The following GRIP1 variants were observed in gnomAD, a reference collection of about 807,000 sequenced individuals.
The protein encoded by GRIP1 is glutamate receptor interacting protein 1.
In GRIP1, 45 loss-of-function variants were observed where a neutral mutation model predicts 129.9. That is an observed-to-expected ratio of 0.35 (90% CI 0.27 to 0.44). GRIP1 has a LOEUF of 0.44. GRIP1 is among the 20% of genes least tolerant of loss of function. The probability of loss-of-function intolerance (pLI) is 1.00; values close to 1 mark genes in which losing one functional copy is unlikely to be tolerated. For synonymous variants in GRIP1, 530 were observed against 520.8 expected, an observed-to-expected ratio of 1.02 and a Z score of -0.24; for missense variants, 1,196 against 1,396.8, an observed-to-expected ratio of 0.86 and a Z score of 2.29.
chr12:66,474,505 C>T (rs1302598678), intron 7 of GRIP1, among the ~76,000 whole-genome samples: 4 of 152,050 alleles, frequency 2.6e-5, no homozygotes, highest in Admixed American at 2.0e-4. Flanking sequence ...TTGAGAAGAG[C>T]AACTCCAAGA....
intron 1 of GRIP1, among the ~76,000 whole-genome samples, chr12:66,936,905 T>C (rs1409857151): frequency 1.8e-4 from 27 of 152,186 alleles, no homozygotes; most frequent in Non-Finnish European, 1.5e-5. Context: ...AGCTTGACGT[T>C]GGGAAAGCCA....
intron 1 of GRIP1, among the ~76,000 whole-genome samples, chr12:66,601,354 G>T (rs191611237): frequency 6.6e-6 from 1 of 152,158 alleles, no homozygotes; most frequent in African/African-American, 2.4e-5. Flanking sequence ...GTGAGGAAGG[G>T]AGTCAGGTCT....
intron 7 of GRIP1, among the ~76,000 whole-genome samples, chr12:66,476,886 TAAG>T (rs1481063339): frequency 6.6e-6 from 1 of 152,118 alleles, no homozygotes; most frequent in Non-Finnish European, 1.5e-5. Flanking sequence ...CTAAAAATAA[TAAG>T]AACTATTTAT....
chr12:66,734,512 T>G (rs530004762), intron 1 of GRIP1, among the ~76,000 whole-genome samples: 1 of 152,334 alleles, frequency 6.6e-6, no homozygotes, highest in South Asian at 2.1e-4. Flanking sequence ...GCTTAAAAAT[T>G]AAAATCACCC....
chr12:66,756,359 G>A (rs993199347), intron 1 of GRIP1, among the ~76,000 whole-genome samples: 5 of 152,154 alleles, frequency 3.3e-5, no homozygotes, highest in Admixed American at 2.0e-4. Context: ...TGAAGCATTG[G>A]TATTTCGATC....
At chr12:66,631,468 CCTA>C (rs1228456157) in intron 1 of GRIP1, among the ~76,000 whole-genome samples, 1 of 152,136 alleles carries the variant, frequency 6.6e-6, no homozygotes, top group Non-Finnish European at 1.5e-5. Context: ...AACATGAAAA[CCTA>C]CTAACAAAAC....
intron 1 of GRIP1, among the ~76,000 whole-genome samples, chr12:66,755,895 C>A (rs965157361): frequency 6.6e-6 from 1 of 152,140 alleles, no homozygotes; most frequent in African/African-American, 2.4e-5. Flanking sequence ...CAGTAGAGTT[C>A]CATGTGGCAA....
intron 1 of GRIP1, among the ~76,000 whole-genome samples, chr12:66,783,937 G>A (rs2038237134): frequency 6.6e-6 from 1 of 152,096 alleles, no homozygotes. Context: ...CATTCATCAT[G>A]CATTGCAAAA....
chr12:67,049,770 G>A (rs979787955), intron 1 of GRIP1, among the ~76,000 whole-genome samples: 1 of 150,406 alleles, frequency 6.6e-6, no homozygotes, highest in African/African-American at 2.4e-5. Context: ...TAAGCCCTTT[G>A]CTCATTGATA....
chr12:66,541,028 T>C (rs1391372820), intron 3 of GRIP1, among the ~76,000 whole-genome samples: 1 of 152,076 alleles, frequency 6.6e-6, no homozygotes, highest in Non-Finnish European at 1.5e-5. Flanking sequence ...TTGGTCAAGC[T>C]GGTCTCGAAC....
At chr12:66,412,136 A>G (rs772262848) in intron 15 of GRIP1, among the ~76,000 whole-genome samples, 3 of 152,292 alleles carry the variant, frequency 2.0e-5, no homozygotes, top group East Asian at 1.9e-4. Context: ...GAGAACCTCA[A>G]TAAGATACTA....
At chr12:66,807,535 A>G (rs1392718108), upstream of GRIP1, among the ~76,000 whole-genome samples, 1 of 152,080 alleles carries the variant, frequency 6.6e-6, no homozygotes, top group Admixed American at 6.5e-5. Flanking sequence ...TTAGCCAGGC[A>G]TGGTGGCGGG....
chr12:66,377,153 A>T, intron 21 of GRIP1, 21 bp downstream of exon 21: 1 of 1,569,822 alleles, frequency 6.4e-7, no homozygotes, highest in Non-Finnish European at 8.8e-7. Context: ...CAATAAAAGT[A>T]AGTAGCAGGA....
intron 1 of GRIP1, among the ~76,000 whole-genome samples, chr12:66,826,739 C>T (rs2039420488): frequency 7.2e-6 from 1 of 138,070 alleles, no homozygotes; most frequent in South Asian, 2.1e-4. Flanking sequence ...AAAGGAGTAA[C>T]TTTTCCTCCA....
intron 14 of GRIP1, among the ~76,000 whole-genome samples, chr12:66,430,415 C>T (rs1173405581): frequency 7.9e-5 from 12 of 152,254 alleles, no homozygotes; most frequent in Middle Eastern, 3.4e-3. Flanking sequence ...TCCATGAATG[C>T]GTTTGCTTGT....
chr12:66,821,973 G>A (rs1183449785), intron 1 of GRIP1, among the ~76,000 whole-genome samples: 5 of 152,028 alleles, frequency 3.3e-5, no homozygotes, highest in South Asian at 2.1e-4. Flanking sequence ...AATAGAATAG[G>A]GGCCAAGTGA....
chr12:66,739,977 C>A (rs2036736974), intron 1 of GRIP1, among the ~76,000 whole-genome samples: 1 of 152,148 alleles, frequency 6.6e-6, no homozygotes, highest in Non-Finnish European at 1.5e-5. Flanking sequence ...CCCAAGTCTG[C>A]AGCCCAGCAG....
chr12:66,721,897 C>T (rs1423805819), intron 1 of GRIP1, among the ~76,000 whole-genome samples: 1 of 152,098 alleles, frequency 6.6e-6, no homozygotes, highest in Non-Finnish European at 1.5e-5. Context: ...ATGAACCAAC[C>T]TCTTCTAGCT....
At chr12:66,887,120 C>T (rs2040578981) in intron 1 of GRIP1, among the ~76,000 whole-genome samples, 1 of 152,204 alleles carries the variant, frequency 6.6e-6, no homozygotes, top group Non-Finnish European at 1.5e-5. Context: ...CTTTGTTTTT[C>T]TGGCTTTGCT....
Sources: allele counts gnomAD v4.1 joint callset (sites outside exome capture counted in the v4.1 genomes callset), GRCh38; gene constraint gnomAD v4.1.1; transcripts MANE v1.5; gene names NCBI Gene and HGNC (gene_info 2026-07-23, HGNC 2026-07-21).